Variants in PDE12 observed in about 807,000 individuals in gnomAD.
PDE12 encodes the protein phosphodiesterase 12, also known as 2',5'-phosphodiesterase 12.
A neutral mutation model predicts 45.4 loss-of-function variants in PDE12; 26 were observed. The observed-to-expected ratio is 0.57, with a 90% CI of 0.42 to 0.79. The LOEUF is 0.79. PDE12 is among the 30% of genes least tolerant of loss of function. The pLI is 0.00. For synonymous variants in PDE12, 283 were observed against 323.9 expected (o/e 0.87, Z 1.36); for missense variants, 668 against 790.0 (o/e 0.85, Z 1.85).
chr3:57,582,399 C>T, the PDE12 span, among the ~76,000 whole-genome samples: 3 of 150,600 alleles, frequency 2.0e-5, no homozygotes, highest in Non-Finnish European at 4.4e-5. Context: ...CGCGCCACCA[C>T]GCCCGGCTAA....
the PDE12 span, among the ~76,000 whole-genome samples, chr3:57,598,599 G>A: frequency 6.6e-6 from 1 of 152,098 alleles, no homozygotes; most frequent in African/African-American, 2.4e-5. Flanking sequence ...GGCTAACACG[G>A]TGAAACCCAG....
At chr3:57,601,474 CCCT>C in the PDE12 span, among the ~76,000 whole-genome samples, 767 of 152,166 alleles carry the variant, frequency 5.0e-3, 4 homozygotes, top group African/African-American at 0.017. Flanking sequence ...ACATTCCAGT[CCCT>C]TGGGTTTAAT....
chr3:57,574,254 GTTGT>G, the PDE12 span, among the ~76,000 whole-genome samples: 2 of 151,784 alleles, frequency 1.3e-5, no homozygotes, highest in Non-Finnish European at 2.9e-5. Flanking sequence ...TAGGTTCTTT[GTTGT>G]TTGTTTCATT....
downstream of PDE12, among the ~76,000 whole-genome samples, chr3:57,567,505 T>C (rs552966848): frequency 1.3e-5 from 2 of 152,146 alleles, no homozygotes; most frequent in Non-Finnish European, 2.9e-5. Context: ...CACAATCTTA[T>C]TAGAATTTAA....
the PDE12 span, among the ~76,000 whole-genome samples, chr3:57,610,708 A>G: frequency 6.6e-6 from 1 of 152,308 alleles, no homozygotes; most frequent in African/African-American, 2.4e-5. Flanking sequence ...AAAGAGAACT[A>G]CAAACCACTG....
At chr3:57,628,731 T>C in the PDE12 span, 1 of 1,429,922 alleles carries the variant, frequency 7.0e-7, no homozygotes. Flanking sequence ...CTGCGAACTA[T>C]CATGGGTTGT....
chr3:57,560,394 C>G lies in PDE12; in HGVS notation c.*390C>G. On this transcript the variant is annotated 3_prime_UTR_variant, in exon 3 of 3. Transcript: ENST00000311180. ...AGGCTGGAGTGCAATGGCACAATCT[C>G]GGCTCACTGCAACCTCCGCCCCCTG... 1 of 738,816 alleles carries G rather than the reference C, an allele frequency of 1.4e-6. No homozygotes were observed. Among genetic ancestry groups the G allele is most frequent in the Non-Finnish European group, 1.7e-6 (1 of 596,956 alleles). 45.8% of individuals were successfully genotyped at this position (738,816 alleles called of 1,614,324 possible).
the PDE12 span, among the ~76,000 whole-genome samples, chr3:57,591,492 A>C: frequency 6.7e-6 from 1 of 148,520 alleles, no homozygotes; most frequent in East Asian, 2.0e-4. Flanking sequence ...TTTGAGACAG[A>C]GTCTCACTCT....
the PDE12 span, among the ~76,000 whole-genome samples, chr3:57,602,944 G>T: frequency 8.5e-5 from 13 of 152,082 alleles, no homozygotes; most frequent in Admixed American, 8.5e-4. Context: ...CCAGCACTTT[G>T]GGAGGCCAAG....
chr3:57,574,636 G>A, the PDE12 span, among the ~76,000 whole-genome samples: 472 of 152,090 alleles, frequency 3.1e-3, 2 homozygotes, highest in African/African-American at 0.011. Flanking sequence ...GGAACTCCTG[G>A]CCTCAAGCAA....
the PDE12 span, among the ~76,000 whole-genome samples, chr3:57,575,305 CA>C: frequency 0.74 from 100,327 of 134,906 alleles, 37,874 homozygotes; most frequent in East Asian, 0.98. Context: ...CCTCTCCCTT[CA>C]AAAAAAAAAA....
chr3:57,597,826 A>G, the PDE12 span: 1 of 152,442 alleles, frequency 6.6e-6, no homozygotes, highest in South Asian at 2.0e-4. Context: ...TACACGTTTC[A>G]CACACGGGAC....
chr3:57,607,925 C>T, the PDE12 span, among the ~76,000 whole-genome samples: 3 of 152,036 alleles, frequency 2.0e-5, no homozygotes, highest in African/African-American at 7.2e-5. Context: ...AACTCCAAGA[C>T]ACATAATTGT....
At chr3:57,579,250 T>A in the PDE12 span, among the ~76,000 whole-genome samples, 1 of 200 alleles carries the variant, frequency 5.0e-3, no homozygotes, top group South Asian at 0.1. Context: ...GCAAACTACA[T>A]CTCAAAAAAA....
chr3:57,602,353 A>C, the PDE12 span, among the ~76,000 whole-genome samples: 4 of 152,194 alleles, frequency 2.6e-5, no homozygotes, highest in African/African-American at 9.6e-5. Flanking sequence ...GCTCTTGTTT[A>C]AAGTTCACAT....
At chr3:57,601,739 CCTT>C in the PDE12 span, among the ~76,000 whole-genome samples, 2 of 140,030 alleles carry the variant, frequency 1.4e-5, no homozygotes, top group Admixed American at 7.9e-5. Flanking sequence ...TTTTTTCTTT[CCTT>C]CTTTTTTTTT....
the PDE12 span, among the ~76,000 whole-genome samples, chr3:57,613,297 C>A: frequency 3.9e-5 from 5 of 129,474 alleles, no homozygotes; most frequent in African/African-American, 1.5e-4. Context: ...AAAAAAACAA[C>A]TTTTTTTTTT....
chr3:57,568,285 G>A (rs1005407094), downstream of PDE12, among the ~76,000 whole-genome samples: 3 of 151,828 alleles, frequency 2.0e-5, no homozygotes, highest in Non-Finnish European at 2.9e-5. Context: ...GCAACATGGC[G>A]AAACCCCATC....
rs2069734925 is a variant in PDE12 at position 57,562,114 on chromosome 3, C to T, written c.*2110C>T. The T allele has an allele frequency of 4.1e-6, 4 of 981,382 alleles. No homozygotes were observed. Among genetic ancestry groups the T allele is most frequent in the Non-Finnish European group, 3.6e-6 (3 of 826,656 alleles). 60.8% of individuals were successfully genotyped at this position (981,382 alleles called of 1,614,324 possible). On this transcript the variant is annotated 3_prime_UTR_variant, in exon 3 of 3. Coordinates refer to ENST00000311180, the MANE Select transcript of PDE12 (RefSeq NM_177966.7). ...TTTTCAAAGAAAGATGTTGATAGAA[C>T]CCTTAGAGTGACTTGGGAGAAAACA...
Sources: gnomAD v4.1 joint callset for allele counts (sites outside exome capture counted in the v4.1 genomes callset) on GRCh38, gnomAD v4.1.1 for gene constraint, MANE v1.5 for transcripts, NCBI Gene and HGNC (gene_info 2026-07-23, HGNC 2026-07-21) for gene names.